Variants in DIS3L2 observed in about 807,000 individuals in gnomAD.
DIS3L2 encodes DIS3-like exonuclease 2.
DIS3L2 carries 34 observed loss-of-function variants against 97.5 expected under a neutral mutation model. The ratio of observed to expected loss-of-function variants is 0.35; its 90% CI spans 0.27 to 0.46. DIS3L2 has a LOEUF of 0.46. DIS3L2 is among the 20% of genes least tolerant of loss of function. The probability of loss-of-function intolerance (pLI) is 1.00; values close to 1 mark genes in which losing one functional copy is unlikely to be tolerated. For missense variants in DIS3L2, 1,038 were observed against 1,146.0 expected, an observed-to-expected ratio of 0.91 and a Z score of 1.36; for synonymous variants, 435 against 445.2, an observed-to-expected ratio of 0.98 and a Z score of 0.29.
intron 9 of DIS3L2, among the ~76,000 whole-genome samples, chr2:232,171,267 A>ATACTT (rs1418522261): frequency 6.6e-6 from 1 of 152,226 alleles, no homozygotes; most frequent in African/African-American, 2.4e-5. Context: ...TTTGGAAAAC[A>ATACTT]GTGTGTTAAT....
At chr2:232,213,661 G>GTTTTTTTTTTTTT (rs67846645) in intron 10 of DIS3L2, among the ~76,000 whole-genome samples, 1 of 80,738 alleles carries the variant, frequency 1.2e-5, no homozygotes, top group Non-Finnish European at 2.3e-5. Context: ...ATCATCTGTA[G>GTTTTTTTTTTTTT]TTTTTTTTTT....
intron 5 of DIS3L2, among the ~76,000 whole-genome samples, chr2:232,079,623 AAAG>A (rs1696326128): frequency 6.7e-6 from 1 of 150,312 alleles, no homozygotes; most frequent in Non-Finnish European, 1.5e-5. Flanking sequence ...AAAAAAAAAA[AAAG>A]TAAAGAAAAG....
At chr2:232,307,730 C>G (rs1695025319) in intron 14 of DIS3L2, 1 of 152,052 alleles carries the variant, frequency 6.6e-6, no homozygotes, top group Non-Finnish European at 1.5e-5. Flanking sequence ...TAGTTCTAGT[C>G]TAAAACCATT....
At chr2:232,280,473 G>C (rs1253708045) in intron 13 of DIS3L2, among the ~76,000 whole-genome samples, 1 of 152,222 alleles carries the variant, frequency 6.6e-6, no homozygotes, top group Non-Finnish European at 1.5e-5. Context: ...ACAGGACTTT[G>C]CCGATTACAT....
At chr2:231,997,930 C>A (rs1305197914) in intron 1 of DIS3L2, among the ~76,000 whole-genome samples, 1 of 152,124 alleles carries the variant, frequency 6.6e-6, no homozygotes, top group Non-Finnish European at 1.5e-5. Context: ...CCAATCATGC[C>A]CTTTTCCTTT....
intron 1 of DIS3L2, among the ~76,000 whole-genome samples, chr2:231,965,454 T>C (rs1692682794): frequency 6.6e-6 from 1 of 152,100 alleles, no homozygotes; most frequent in Non-Finnish European, 1.5e-5. Context: ...TGACTTTTTT[T>C]TTTTTTTTGA....
At position 232,136,532 on chromosome 2, in the gene DIS3L2, G is replaced by A. The variant is rs770321098; in HGVS notation, c.763G>A (p.Ala255Thr). 2 of 1,613,868 alleles carry A rather than the reference G, an allele frequency of 1.2e-6. No homozygotes were observed. Among genetic ancestry groups the A allele is most frequent in the African/African-American group, 2.7e-5 (2 of 74,884 alleles). The change falls in exon 8 of 21, where the codon GCT (alanine) becomes ACT (threonine). Residue 255 changes from alanine (A) to threonine (T), a missense_variant. This residue lies in a region of DIS3L2 where 813 missense variants were observed against 880.1 expected (regional missense o/e 0.92). Transcript: ENST00000325385. ...RAATGFLKLLADKNSELFRKY... is the reference protein window; with the variant it reads ...RAATGFLKLLTDKNSELFRKY... Reference sequence around the variant, plus strand: ...AGCAACCGGCTTCCTCAAACTCTTGGCTGATAAGAACAGCGAACTGTTTAG... The same window carrying A: ...AGCAACCGGCTTCCTCAAACTCTTGACTGATAAGAACAGCGAACTGTTTAG...
chr2:232,168,915 GT>G lies in DIS3L2; in HGVS notation c.1124+5288del, dbSNP rs561983546. ...ACTGGTTTTATGATGGAGTCATTCA[GT>G]TTTTATACCAAAAATATTTATGGAA... On this transcript the variant is annotated intron_variant, in intron 9 of 20. Transcript: ENST00000325385. 2.1e-3 allele frequency among the ~76,000 whole-genome samples: 321 copies of G among 152,270 alleles called. 2 individuals are homozygous for G. The highest frequency in any genetic ancestry group is 7.3e-3 in the African/African-American group (304 of 41,550).
Position 232,336,593 on chromosome 2 carries a change from A to C in DIS3L2, c.2621A>C (p.Glu874Ala), listed in dbSNP as rs371243484. ...GHLGPEKEEE[E>A]SDGEPEDSST... Reference sequence around the variant, plus strand: ...CTGGGCCCTGAGAAGGAGGAGGAGGAGTCTGACGGTGAGCCCGAGGACTCA... The same window carrying C: ...CTGGGCCCTGAGAAGGAGGAGGAGGCGTCTGACGGTGAGCCCGAGGACTCA... Residue 874 changes from glutamate to alanine, a missense_variant, in exon 21 of 21, where the codon GAG (glutamate) becomes GCG (alanine). This residue lies in a region of DIS3L2 where 221 missense variants were observed against 246.9 expected (regional missense o/e 0.90). Transcript: ENST00000325385. 61 of 1,608,002 alleles carry C rather than the reference A, an allele frequency of 3.8e-5. No homozygotes were observed. The highest frequency in any genetic ancestry group is 4.7e-5 in the Non-Finnish European group (55 of 1,179,820).
Position 232,267,333 on chromosome 2 carries a change from G to A in DIS3L2, c.1659+3893G>A, listed in dbSNP as rs988831508. 3.3e-5 allele frequency among the ~76,000 whole-genome samples: 5 copies of A among 152,336 alleles called. No individual in the cohort carries two copies. In the South Asian group the frequency reaches 1.0e-3, roughly 32 times the overall value. ...GCTCCAAATGTCTCCTTTACCTACAGTTCAACCTAGTTCTAAAGAGGTTCT... is the reference window on the plus strand; with the variant it reads ...GCTCCAAATGTCTCCTTTACCTACAATTCAACCTAGTTCTAAAGAGGTTCT... On this transcript the variant is annotated intron_variant, in intron 13 of 20. Transcript: ENST00000325385.
chr2:232,064,960 C>T (rs1225697926), intron 5 of DIS3L2, among the ~76,000 whole-genome samples: 3 of 152,010 alleles, frequency 2.0e-5, no homozygotes, highest in Non-Finnish European at 4.4e-5. Context: ...TGAAGGGTAC[C>T]TTTTGCAGAG....
At position 232,123,618 on chromosome 2, in the gene DIS3L2, T is replaced by G. The variant is rs115582502; in HGVS notation, c.602-7001T>G. ...TTAATCGTTATGGTGGGCTATTAGATTCACCAGGAGGAAACTACTGAAAAC... is the reference window on the plus strand; with the variant it reads ...TTAATCGTTATGGTGGGCTATTAGAGTCACCAGGAGGAAACTACTGAAAAC... On this transcript the variant is annotated intron_variant, in intron 6 of 20. Transcript: ENST00000325385. 9.8e-3 allele frequency among the ~76,000 whole-genome samples: 1,496 copies of G among 152,036 alleles called. 12 individuals are homozygous for G. Among genetic ancestry groups the G allele is most frequent in the Non-Finnish European group, 0.015 (1,053 of 68,000 alleles).
intron 11 of DIS3L2, among the ~76,000 whole-genome samples, chr2:232,239,112 C>T (rs954884880): frequency 6.6e-6 from 1 of 152,142 alleles, no homozygotes; most frequent in Non-Finnish European, 1.5e-5. Flanking sequence ...TGGGAGTCTC[C>T]GAGATGGAAA....
At position 232,039,065 on chromosome 2, in the gene DIS3L2, G is replaced by A. The variant is rs78369325; in HGVS notation, c.366+8985G>A. 4.0e-3 allele frequency among the ~76,000 whole-genome samples: 610 copies of A among 152,212 alleles called. 5 individuals are homozygous for A. The highest frequency in any genetic ancestry group is 0.014 in the African/African-American group (573 of 41,526). On this transcript the variant is annotated intron_variant, in intron 5 of 20. Coordinates refer to ENST00000325385, the MANE Select transcript of DIS3L2 (RefSeq NM_152383.5). ...TTCCTTATTATTTTGTTTCTGTGGA[G>A]CTCCCGAGAGTCTTCACAGTGGCTG...
chr2:232,096,247 C>T (rs551628002), intron 6 of DIS3L2, among the ~76,000 whole-genome samples: 11 of 152,080 alleles, frequency 7.2e-5, no homozygotes, highest in South Asian at 2.1e-4. Flanking sequence ...CCACCACGCT[C>T]GGCTAATTTT....
intron 6 of DIS3L2, among the ~76,000 whole-genome samples, chr2:232,121,725 C>T (rs1335625417): frequency 1.3e-5 from 2 of 152,054 alleles, no homozygotes; most frequent in Admixed American, 6.6e-5. Context: ...AGGTCATGGA[C>T]GGTGCCTTTT....
intron 1 of DIS3L2, among the ~76,000 whole-genome samples, chr2:231,962,013 C>G (rs1185794117): frequency 6.6e-6 from 1 of 152,242 alleles, no homozygotes; most frequent in Non-Finnish European, 1.5e-5. Flanking sequence ...CCAGGCCGCG[C>G]TTATAGCGCC....
At chr2:232,193,123 T>TA (rs376879231) in intron 9 of DIS3L2, among the ~76,000 whole-genome samples, 6 of 152,346 alleles carry the variant, frequency 3.9e-5, no homozygotes, top group Non-Finnish European at 7.4e-5. Context: ...TTCCCATCCT[T>TA]TGTCCCAATT....
intron 10 of DIS3L2, among the ~76,000 whole-genome samples, chr2:232,215,201 G>A (rs1692298167): frequency 6.6e-6 from 1 of 152,170 alleles, no homozygotes; most frequent in Admixed American, 6.5e-5. Flanking sequence ...TTTATGGAAT[G>A]CCCAGCTGGC....
Sources: gnomAD v4.1 joint callset for allele counts (sites outside exome capture counted in the v4.1 genomes callset) on GRCh38, gnomAD v4.1.1 for gene constraint, gnomAD v4.1.1 regional missense constraint, MANE v1.5 for transcripts, NCBI Gene and HGNC (gene_info 2026-07-23, HGNC 2026-07-21) for gene names.